Variants in NBEAL1 observed in about 807,000 individuals in gnomAD.
NBEAL1 encodes neurobeachin like 1, also known as neurobeachin-like protein 1.
In NBEAL1, 273 loss-of-function variants were observed where a neutral mutation model predicts 351.3. The ratio of observed to expected loss-of-function variants is 0.78; its 90% CI spans 0.70 to 0.86. NBEAL1 has a LOEUF of 0.86. Among genes scored for constraint, NBEAL1 ranks in the 40% least tolerant of loss-of-function variants. The pLI is 0.00. For missense variants in NBEAL1, 2,961 were observed against 3,201.3 expected (o/e 0.92, Z 1.81); for synonymous variants, 1,050 against 1,086.4 (o/e 0.97, Z 0.66).
At chr2:203,132,543 TTGG>T (rs2063097965) in intron 26 of NBEAL1, among the ~76,000 whole-genome samples, 1 of 152,164 alleles carries the variant, frequency 6.6e-6, no homozygotes, top group Admixed American at 6.6e-5. Flanking sequence ...ATTGACCAGG[TTGG>T]TGTGCAGTGG....
intron 17 of NBEAL1, among the ~76,000 whole-genome samples, chr2:203,113,531 C>A (rs923501286): frequency 3.3e-5 from 5 of 152,046 alleles, no homozygotes; most frequent in Non-Finnish European, 5.9e-5. Context: ...ATAAAGCAAA[C>A]CTTTTTTGGG....
intron 16 of NBEAL1, 69 bp from the exon 17 acceptor site, chr2:203,112,946 G>T: frequency 3.1e-6 from 4 of 1,282,932 alleles, no homozygotes; most frequent in East Asian, 2.7e-5. Context: ...CTATTTTATT[G>T]TGTAATTTTA....
intron 12 of NBEAL1, among the ~76,000 whole-genome samples, chr2:203,102,626 T>G (rs1198689239): frequency 6.6e-6 from 1 of 152,262 alleles, no homozygotes; most frequent in Non-Finnish European, 1.5e-5. Context: ...TTTGCATATG[T>G]TGAACCAACA....
At chr2:203,131,451 G>A (rs1011454493) in intron 25 of NBEAL1, among the ~76,000 whole-genome samples, 1 of 152,132 alleles carries the variant, frequency 6.6e-6, no homozygotes, top group Non-Finnish European at 1.5e-5. Context: ...CCTGACCTCA[G>A]TTGATCTGCC....
chr2:203,111,820 A>G (rs2062579143), intron 15 of NBEAL1, among the ~76,000 whole-genome samples, 159 bp from the exon 16 acceptor site: 1 of 152,254 alleles, frequency 6.6e-6, no homozygotes, highest in Non-Finnish European at 1.5e-5. Flanking sequence ...TTGTACTACT[A>G]TGGAAAAAAT....
At chr2:203,090,654 C>T (rs760679627) in intron 10 of NBEAL1, among the ~76,000 whole-genome samples, 5 of 151,908 alleles carry the variant, frequency 3.3e-5, no homozygotes, top group Admixed American at 6.6e-5. Context: ...TTTGGGAGGC[C>T]GAGGTGGGCA....
At chr2:203,125,647 C>T (rs1044884150) in intron 20 of NBEAL1, 127 bp downstream of exon 20, 4 of 852,458 alleles carry the variant, frequency 4.7e-6, no homozygotes, top group Non-Finnish European at 6.6e-6. Flanking sequence ...GTTGTTTCTA[C>T]TTTTACTAAT....
At chr2:203,144,515 G>T (rs904723421) in intron 31 of NBEAL1, 85 bp from the exon 32 acceptor site, 2 of 1,301,422 alleles carry the variant, frequency 1.5e-6, no homozygotes, top group African/African-American at 1.5e-5. Flanking sequence ...TAAAAATTCT[G>T]AATCCACAGA....
intron 27 of NBEAL1, among the ~76,000 whole-genome samples, chr2:203,133,759 T>TTA (rs1055485243): frequency 1.4e-4 from 21 of 150,648 alleles, no homozygotes; most frequent in South Asian, 2.1e-4. Flanking sequence ...TATATAGAGT[T>TTA]TATATATATA....
intron 2 of NBEAL1, chr2:203,040,289 G>A (rs2061118844): frequency 1.3e-6 from 1 of 779,894 alleles, no homozygotes; most frequent in East Asian, 2.4e-5. Context: ...GATTCCTGGA[G>A]GCAGAAATGT....
At chr2:203,119,899 TC>T (rs977656892) in intron 18 of NBEAL1, among the ~76,000 whole-genome samples, 1 of 152,210 alleles carries the variant, frequency 6.6e-6, no homozygotes, top group Non-Finnish European at 1.5e-5. Context: ...GAAAAGCTGC[TC>T]CAGAGGATTT....
intron 35 of NBEAL1, among the ~76,000 whole-genome samples, chr2:203,152,708 G>C (rs1402192263): frequency 1.3e-5 from 2 of 151,974 alleles, no homozygotes; most frequent in Non-Finnish European, 2.9e-5. Context: ...CCTTTTTTAA[G>C]ATAGGTCTGT....
chr2:203,222,175 A>G lies in NBEAL1; in HGVS notation c.*4821A>G, dbSNP rs563344865. ...GCACTTCAGCCTAGGTGGCAGAGTT[A>G]GACCCTGTCTCCAAAAATACATTTT... On this transcript the variant is annotated 3_prime_UTR_variant, in exon 56 of 56. Transcript: ENST00000683969. Among the ~76,000 whole-genome samples, 10 of 152,240 alleles carry G rather than the reference A, an allele frequency of 6.6e-5. No individual in the cohort carries two copies. Among genetic ancestry groups the G allele is most frequent in the Non-Finnish European group, 1.3e-4 (9 of 68,042 alleles).
chr2:203,129,946 G>T (rs1273922615), intron 24 of NBEAL1, among the ~76,000 whole-genome samples: 3 of 152,180 alleles, frequency 2.0e-5, no homozygotes, highest in Non-Finnish European at 2.9e-5. Context: ...TGGATCGCTT[G>T]AGCCGAGGAG....
chr2:203,040,553 G>A (rs764639178), intron 2 of NBEAL1: 9 of 667,344 alleles, frequency 1.3e-5, no homozygotes, highest in Non-Finnish European at 2.2e-5. Flanking sequence ...AAGTCTGTGC[G>A]GGAACTCACT....
chr2:203,019,879 T>A lies in NBEAL1; in HGVS notation c.51+3444T>A, dbSNP rs149874773. 4.9e-3 allele frequency among the ~76,000 whole-genome samples: 744 copies of A among 152,234 alleles called. 5 individuals are homozygous for A. The highest frequency in any genetic ancestry group is 8.4e-3 in the Non-Finnish European group (574 of 68,012). On this transcript the variant is annotated intron_variant, in intron 2 of 55. Transcript: ENST00000683969. The stretch of plus-strand genomic sequence containing the variant: ...CTTAAATACTAGTGACTAAAGTCCT[T>A]TAAGTAGAATTAAAATAAATTACCA...
rs185211976 is a variant in NBEAL1, at chr2:203,169,985, A to G, written c.6102+134A>G. 4.0e-5 allele frequency: 24 copies of G among 605,574 alleles called. No homozygotes were observed. The African/African-American group carries it at 4.6e-4, about 12-fold the overall frequency. The allele number at this position is 605,574 out of a possible 1,614,324, so 37.5% of individuals were successfully genotyped here. ...GACTGATCTTTTGAATTATCTTTGAATCTTCCTTTGTTTCCCTCACACAGA... is the reference window on the plus strand; with the variant it reads ...GACTGATCTTTTGAATTATCTTTGAGTCTTCCTTTGTTTCCCTCACACAGA... On this transcript the variant is annotated intron_variant, in intron 39 of 55. Transcript: ENST00000683969.
chr2:203,053,977 C>T (rs960325004), intron 4 of NBEAL1, among the ~76,000 whole-genome samples: 2 of 151,994 alleles, frequency 1.3e-5, no homozygotes, highest in African/African-American at 4.8e-5. Flanking sequence ...CAGAGTCTTG[C>T]TCCATCTGTA....
intron 2 of NBEAL1, among the ~76,000 whole-genome samples, chr2:203,034,841 A>G (rs1462235078): frequency 3.4e-5 from 5 of 148,278 alleles, no homozygotes; most frequent in South Asian, 4.2e-4. Context: ...CACTTTTACA[A>G]TGTTTCTGTG....
Sources: allele counts gnomAD v4.1 joint callset (sites outside exome capture counted in the v4.1 genomes callset), GRCh38; gene constraint gnomAD v4.1.1; transcripts MANE v1.5; gene names NCBI Gene and HGNC (gene_info 2026-07-23, HGNC 2026-07-21).